The following HS1BP3 variants were observed in gnomAD, a reference collection of about 807,000 sequenced individuals.
The protein encoded by HS1BP3 is HCLS1 binding protein 3, also known as HCLS1-binding protein 3.
In HS1BP3, 32 loss-of-function variants were observed where a neutral mutation model predicts 33.5. That is an observed-to-expected ratio of 0.95 (90% confidence interval 0.72 to 1.28). The LOEUF (loss-of-function observed/expected upper bound fraction) is 1.28, where lower values mean the gene tolerates loss of function less well. Among genes scored for constraint, HS1BP3 ranks in the 50% most tolerant of loss-of-function variants. The probability of loss-of-function intolerance (pLI) is 0.00; values close to 1 mark genes in which losing one functional copy is unlikely to be tolerated. For synonymous variants in HS1BP3, 187 were observed against 209.2 expected, an observed-to-expected ratio of 0.89 and a Z score of 0.92; for missense variants, 486 against 502.3, an observed-to-expected ratio of 0.97 and a Z score of 0.31.
At chr2:20,603,441 TG>T (rs1408879041) in intron 2 of HS1BP3, among the ~76,000 whole-genome samples, 1 of 152,244 alleles carries the variant, frequency 6.6e-6, no homozygotes, top group African/African-American at 2.4e-5. Context: ...GCAACATGGA[TG>T]ACCCTTGAAA....
Position 20,618,587 on chromosome 2 carries a change from T to G in HS1BP3, c.*400A>C. The G allele has an allele frequency of 2.4e-6, 1 of 420,554 alleles. No individual in the cohort carries two copies. Among genetic ancestry groups the G allele is most frequent in the Non-Finnish European group, 3.3e-6 (1 of 303,516 alleles). 26.1% of individuals were successfully genotyped at this position (420,554 alleles called of 1,614,324 possible). A position where few individuals can be genotyped will look rare whatever the true frequency, so the allele number is the denominator to read the frequency against. ...AGGAGGGATAGAGGCCCAGCCCCAG[T>G]TTGGGTCTGTGCTGGGGCTGGCAGA... On this transcript the variant is annotated 3_prime_UTR_variant, in exon 7 of 7. Transcript: ENST00000304031.
chr2:20,639,458 T>C (rs1695269917), intron 3 of HS1BP3, among the ~76,000 whole-genome samples: 1 of 152,246 alleles, frequency 6.6e-6, no homozygotes, highest in African/African-American at 2.4e-5. Flanking sequence ...GCTCAGACTA[T>C]TTGTTCATTT....
chr2:20,582,381 G>A (rs1693554665), intron 5 of HS1BP3, among the ~76,000 whole-genome samples: 1 of 151,978 alleles, frequency 6.6e-6, no homozygotes, highest in South Asian at 2.1e-4. Context: ...TGTGCAGGGA[G>A]TGGCTGAGAG....
At chr2:20,569,563 T>C (rs1359977614) in intron 5 of HS1BP3, among the ~76,000 whole-genome samples, 1 of 152,262 alleles carries the variant, frequency 6.6e-6, no homozygotes, top group African/African-American at 2.4e-5. Context: ...AAAAAATTCA[T>C]TGATCTGAAA....
chr2:20,619,678 T>C (rs1045254576), intron 6 of HS1BP3, among the ~76,000 whole-genome samples: 1 of 152,230 alleles, frequency 6.6e-6, no homozygotes, highest in Non-Finnish European at 1.5e-5. Flanking sequence ...TGGGGAGGCA[T>C]GACTGTGCTT....
intron 3 of HS1BP3, among the ~76,000 whole-genome samples, chr2:20,595,522 G>A (rs1462654388): frequency 6.6e-6 from 1 of 152,184 alleles, no homozygotes; most frequent in Non-Finnish European, 1.5e-5. Flanking sequence ...GGAGGGTTTC[G>A]GCTGGGCCTT....
At chr2:20,614,222 A>T (rs757952771), downstream of HS1BP3, among the ~76,000 whole-genome samples, 7 of 152,184 alleles carry the variant, frequency 4.6e-5, no homozygotes, top group Non-Finnish European at 8.8e-5. Context: ...TTCCCTAGAG[A>T]TTTCAGAGGG....
rs182802647 is a variant in HS1BP3, at chr2:20,572,908, C to A, written c.303-12393G>T. ...CCCCATGGGAGCAGAGGGGCCTGGG[C>A]AGCCTTCCTGTCTGCCAGCATAGCC... On this transcript the variant is annotated intron_variant, in intron 5 of 5. Transcript: ENST00000446825. Among the ~76,000 whole-genome samples, 4 of 152,286 alleles carry A rather than the reference C, an allele frequency of 2.6e-5. No homozygotes were observed. The East Asian group carries it at 7.7e-4, about 29-fold the overall frequency.
rs1287101287 is a variant in HS1BP3, at chr2:20,619,175, T to G, written c.991A>C (p.Lys331Gln). 1 of 1,614,124 alleles carries G rather than the reference T, an allele frequency of 6.2e-7. No homozygotes were observed. The highest frequency in any genetic ancestry group is 1.7e-5 in the Admixed American group (1 of 60,010). Residue 331 changes from lysine (K) to glutamine (Q), a missense_variant, in exon 7 of 7, where the codon AAG (lysine) becomes CAG (glutamine). Lys to Gln is a moderately conservative substitution (Grantham distance 53, BLOSUM62 1). Coordinates refer to ENST00000304031, the MANE Select transcript of HS1BP3 (RefSeq NM_022460.4). ...EPKPKPQLKP[K>Q]PPVAAKPVIP... ...ACCGGCTTAGCTGCCACTGGTGGCT[T>G]GGGCTTAAGCTGGGGCTTGGGTTTG... is the stretch of plus-strand genomic sequence containing the variant.
intron 5 of HS1BP3, among the ~76,000 whole-genome samples, chr2:20,564,368 C>G (rs1693074620): frequency 6.6e-6 from 1 of 152,266 alleles, no homozygotes; most frequent in African/African-American, 2.4e-5. Context: ...CCCTCCAGCT[C>G]TGGGCTCCCT....
chr2:20,612,874 T>C (rs1413610939), downstream of HS1BP3, among the ~76,000 whole-genome samples: 5 of 152,238 alleles, frequency 3.3e-5, no homozygotes, highest in East Asian at 9.6e-4. Context: ...TGTTTACTTG[T>C]TGTAAAAACT....
In HS1BP3 at chr2:20,629,431, C is replaced by T. The variant is rs532881359; in HGVS notation, c.624-4539G>A. ...GACAGGAGACAAAGCCCCTCACTGA[C>T]ATGGAGGAAGGGTGCCCTCTTCTCC... On this transcript the variant is annotated intron_variant, in intron 4 of 6. Coordinates refer to ENST00000304031, the MANE Select transcript of HS1BP3 (RefSeq NM_022460.4). Among the ~76,000 whole-genome samples the T allele has an allele frequency of 9.8e-5, 15 of 152,322 alleles. No individual in the cohort carries two copies. The South Asian group carries it at 2.5e-3, about 25-fold the overall frequency.
intron 4 of HS1BP3, among the ~76,000 whole-genome samples, chr2:20,625,709 C>T (rs1484282543): frequency 6.6e-6 from 1 of 152,158 alleles, no homozygotes; most frequent in Non-Finnish European, 1.5e-5. Flanking sequence ...CTGAGGAGGT[C>T]CTGCTCTGGG....
At chr2:20,628,438 C>G (rs890635512) in intron 4 of HS1BP3, among the ~76,000 whole-genome samples, 1 of 152,074 alleles carries the variant, frequency 6.6e-6, no homozygotes, top group African/African-American at 2.4e-5. Flanking sequence ...AGTTTGAGAC[C>G]AGCCTGGCAA....
At chr2:20,553,877 T>C in the HS1BP3 span, among the ~76,000 whole-genome samples, 3,246 of 152,330 alleles carry the variant, frequency 0.021, 55 homozygotes, top group South Asian at 0.083. Context: ...TCTGAGATCT[T>C]ACCTTTTGTG....
At chr2:20,594,991 G>A (rs946057293) in intron 3 of HS1BP3, among the ~76,000 whole-genome samples, 1 of 152,172 alleles carries the variant, frequency 6.6e-6, no homozygotes, top group African/African-American at 2.4e-5. Context: ...CAACATACAC[G>A]TTGTCGGGAG....
downstream of HS1BP3, among the ~76,000 whole-genome samples, chr2:20,614,760 C>A (rs1694386918): frequency 2.0e-5 from 3 of 152,246 alleles, no homozygotes. Flanking sequence ...AGAGAAGCAT[C>A]AGGCCTCTGA....
At chr2:20,577,695 A>G (rs1693433941) in intron 5 of HS1BP3, among the ~76,000 whole-genome samples, 1 of 152,206 alleles carries the variant, frequency 6.6e-6, no homozygotes, top group Non-Finnish European at 1.5e-5. Context: ...AGCAGAGGCC[A>G]GACCAACTCA....
chr2:20,556,107 C>A (rs1302959881), downstream of HS1BP3, among the ~76,000 whole-genome samples: 1 of 152,170 alleles, frequency 6.6e-6, no homozygotes, highest in Non-Finnish European at 1.5e-5. Flanking sequence ...TTGACTGTTT[C>A]TATTTCTATT....
Sources: gnomAD v4.1 joint callset for allele counts (sites outside exome capture counted in the v4.1 genomes callset) on GRCh38, gnomAD v4.1.1 for gene constraint, MANE v1.5 for transcripts, NCBI Gene and HGNC (gene_info 2026-07-23, HGNC 2026-07-21) for gene names.